SEMA4D: variants seen among roughly 807,000 people sequenced by gnomAD.
SEMA4D encodes the protein semaphorin 4D, also known as semaphorin-4D.
Under a neutral mutation model 74.8 loss-of-function variants are expected in SEMA4D, and 22 were observed. The observed-to-expected ratio is 0.29, with a 90% confidence interval of 0.21 to 0.42. The LOEUF is 0.42. SEMA4D is among the 10% of genes least tolerant of loss of function. The pLI is 1.00. For synonymous variants in SEMA4D, 445 were observed against 463.7 expected, an observed-to-expected ratio of 0.96 and a Z score of 0.52; for missense variants, 937 against 1,118.4, an observed-to-expected ratio of 0.84 and a Z score of 2.31.
In SEMA4D at chr9:89,477,839, C is replaced by G. The variant is rs149180760; in HGVS notation, c.-310+20080G>C. 3.1e-3 allele frequency among the ~76,000 whole-genome samples: 473 copies of G among 152,318 alleles called. 3 individuals carry two copies. The highest frequency in any genetic ancestry group is 0.011 in the African/African-American group (448 of 41,554). On this transcript the variant is annotated intron_variant, in intron 1 of 15. Coordinates refer to ENST00000422704, the MANE Select transcript of SEMA4D (RefSeq NM_001371194.2). ...CAGCACATCTTACTTCCTGTTCACA[C>G]TAAATATCCAACAAGTATTCTTGTA...
At chr9:89,424,571 T>C (rs1564731687) in intron 2 of SEMA4D, among the ~76,000 whole-genome samples, 1 of 152,112 alleles carries the variant, frequency 6.6e-6, no homozygotes, top group Non-Finnish European at 1.5e-5. Flanking sequence ...CTTGCACCCT[T>C]AATTCCTGAG....
rs1839809745 is a variant in SEMA4D at position 89,391,272 on chromosome 9, C to T, written c.766G>A (p.Val256Met). The T allele has an allele frequency of 6.2e-7, 1 of 1,614,178 alleles. No homozygotes were observed. Among genetic ancestry groups the T allele is most frequent in the Non-Finnish European group, 8.5e-7 (1 of 1,179,990 alleles). Residue 256 changes from valine (V) to methionine (M), a missense_variant, in exon 9 of 16, where the codon GTG becomes ATG. Val to Met is a conservative substitution (Grantham distance 21, BLOSUM62 1). Transcript: ENST00000422704. Reference protein sequence around the residue: ...FRVLIPRIARVCKGDQGGLRT... With the variant: ...FRVLIPRIARMCKGDQGGLRT... ...GAGTGCCTGGCACTCACCTTGCACA[C>T]TCTTGCTATCCGTGGGATCAGCACC... is the stretch of plus-strand genomic sequence containing the variant.
intron 2 of SEMA4D, among the ~76,000 whole-genome samples, chr9:89,449,225 T>C (rs187667797): frequency 4.4e-4 from 67 of 152,212 alleles, no homozygotes; most frequent in Middle Eastern, 3.4e-3. Context: ...TCTGCAAAAA[T>C]GCAAAATAAT....
At chr9:89,426,200 G>A (rs1848066314) in intron 2 of SEMA4D, among the ~76,000 whole-genome samples, 1 of 152,224 alleles carries the variant, frequency 6.6e-6, no homozygotes, top group Non-Finnish European at 1.5e-5. Context: ...AGGCCTGCTC[G>A]TTCTGCCACG....
chr9:89,371,466 T>TG (rs1834763892), intron 16 of SEMA4D, among the ~76,000 whole-genome samples: 1 of 54,502 alleles, frequency 1.8e-5, no homozygotes, highest in African/African-American at 7.6e-5. Flanking sequence ...GGGGTGTGTG[T>TG]GTGGGGTGTG....
intron 13 of SEMA4D, chr9:89,386,154 C>T (rs997388164): frequency 3.4e-6 from 3 of 873,656 alleles, no homozygotes; most frequent in Admixed American, 6.2e-5. Context: ...GAGAAAGTCC[C>T]GTCTCCCCAG....
rs1564832883 is a variant in SEMA4D, at chr9:89,450,659, G to GAAAAAAAAAAAAAAAAAAA, written c.-244+5228_-244+5229insTTTTTTTTTTTTTTTTTTT. ...AGAGTTCTGCAAGTCGAAAAACCCA[G>GAAAAAAAAAAAAAAAAAAA]GAAAAAAAAAAAAAAAAAAAAAAAA... is the stretch of plus-strand genomic sequence containing the variant. On this transcript the variant is annotated intron_variant, in intron 2 of 15. Coordinates refer to ENST00000422704, the MANE Select transcript of SEMA4D (RefSeq NM_001371194.2). 403 of 421,078 alleles carry GAAAAAAAAAAAAAAAAAAA rather than the reference G, an allele frequency of 9.6e-4. 99 individuals are homozygous for GAAAAAAAAAAAAAAAAAAA. The highest frequency in any genetic ancestry group is 1.2e-3 in the Non-Finnish European group (307 of 254,238). 26.1% of individuals were successfully genotyped at this position (421,078 alleles called of 1,614,324 possible).
At chr9:89,472,944 A>C (rs1860769665) in intron 1 of SEMA4D, among the ~76,000 whole-genome samples, 1 of 151,462 alleles carries the variant, frequency 6.6e-6, no homozygotes, top group South Asian at 2.1e-4. Flanking sequence ...AAATGTAAAA[A>C]AATTAGCCAG....
At chr9:89,434,979 G>A (rs941494532) in intron 2 of SEMA4D, among the ~76,000 whole-genome samples, 1 of 147,178 alleles carries the variant, frequency 6.8e-6, no homozygotes, top group African/African-American at 2.6e-5. Flanking sequence ...TTTAGGTGAA[G>A]CCTTTGAATG....
At chr9:89,456,257 C>T (rs1855902094) in intron 1 of SEMA4D, among the ~76,000 whole-genome samples, 1 of 152,228 alleles carries the variant, frequency 6.6e-6, no homozygotes, top group South Asian at 2.1e-4. Flanking sequence ...ACCAACTTAG[C>T]AGAGAGCCTC....
chr9:89,386,425 T>C lies in SEMA4D; in HGVS notation c.1388A>G (p.Glu463Gly). The change falls in exon 13 of 16, where the codon GAG becomes GGG. Residue 463 changes from glutamate to glycine, a missense_variant. Glu to Gly is a moderately conservative substitution (Grantham distance 98). Transcript: ENST00000422704. ...SLEHAVHIIE[E>G]TQLFQDFEPV... is the part of the protein sequence containing the mutation. ...CTCAAAGTCCTGGAAGAGCTGGGTC[T>C]CCTCGATGATGTGAACAGCGTGCTC... The C allele has an allele frequency of 6.2e-7, 1 of 1,614,136 alleles. No homozygotes were observed.
chr9:89,376,768 C>A, downstream of SEMA4D: 1 of 1,503,670 alleles, frequency 6.7e-7, no homozygotes, highest in Non-Finnish European at 9.0e-7. Context: ...ATGCCCCCGC[C>A]CGCCCCCCAC....
At chr9:89,390,239 C>A (rs763308933) in intron 9 of SEMA4D, among the ~76,000 whole-genome samples, 3 of 152,188 alleles carry the variant, frequency 2.0e-5, no homozygotes, top group Non-Finnish European at 2.9e-5. Flanking sequence ...ACTGTGCACG[C>A]CTGCCAGGAG....
At chr9:89,394,493 CGA>C (rs1564607438) in intron 6 of SEMA4D, among the ~76,000 whole-genome samples, 1 of 152,238 alleles carries the variant, frequency 6.6e-6, no homozygotes. Flanking sequence ...ACAGCACAGA[CGA>C]GAGAGGGGCT....
chr9:89,480,465 G>A (rs1037459847), intron 1 of SEMA4D, among the ~76,000 whole-genome samples: 1 of 152,246 alleles, frequency 6.6e-6, no homozygotes, highest in African/African-American at 2.4e-5. Flanking sequence ...CCGTGGAGCA[G>A]GGGGTGGCTC....
intron 2 of SEMA4D, among the ~76,000 whole-genome samples, chr9:89,424,723 A>C (rs1847745376): frequency 6.8e-6 from 1 of 146,090 alleles, no homozygotes; most frequent in Non-Finnish European, 1.5e-5. Flanking sequence ...CCTCACACCC[A>C]CGGTTCATAC....
chr9:89,385,056 T>TC (rs1399605747), intron 13 of SEMA4D: 1 of 984,722 alleles, frequency 1.0e-6, no homozygotes, highest in Non-Finnish European at 1.2e-6. Flanking sequence ...CACTGGCTCC[T>TC]CCTCCTGGGC....
chr9:89,495,360 C>T lies in SEMA4D; in HGVS notation c.-310+2559G>A, dbSNP rs578067958. Among the ~76,000 whole-genome samples, 5 of 152,338 alleles carry T rather than the reference C, an allele frequency of 3.3e-5. No individual in the cohort carries two copies. The South Asian group carries it at 1.0e-3, about 32-fold the overall frequency. ...CTAGTGCACCTAAAACACCACCCAG[C>T]TTCCAGGGAAGGCCCTGGCACACCC... On this transcript the variant is annotated intron_variant, in intron 1 of 15. Transcript: ENST00000422704.
chr9:89,365,007 G>C (rs1314925257), intron 16 of SEMA4D: 1 of 152,296 alleles, frequency 6.6e-6, no homozygotes, highest in Admixed American at 6.5e-5. Context: ...GGCCTTCCTT[G>C]CTCGTGAAGT....
Sources: gnomAD v4.1 joint callset for allele counts (sites outside exome capture counted in the v4.1 genomes callset) on GRCh38, gnomAD v4.1.1 for gene constraint, MANE v1.5 for transcripts, NCBI Gene and HGNC (gene_info 2026-07-23, HGNC 2026-07-21) for gene names.